The following PPP6R1 variants were observed in gnomAD, a reference collection of about 807,000 sequenced individuals.
The protein encoded by PPP6R1 is serine/threonine-protein phosphatase 6 regulatory subunit 1.
PPP6R1 carries 39 observed loss-of-function variants against 104.6 expected under a neutral mutation model. The observed-to-expected ratio is 0.37, with a 90% CI of 0.29 to 0.49. PPP6R1 has a LOEUF of 0.49. Ranked by LOEUF, PPP6R1 falls within the 20% of genes least tolerant of loss-of-function variation. The pLI, the probability that PPP6R1 is intolerant of heterozygous loss-of-function variation, is 0.98. For synonymous variants in PPP6R1, 549 were observed against 479.0 expected (o/e 1.15, Z -1.91); for missense variants, 1,181 against 1,155.8 (o/e 1.02, Z -0.32).
chr19:55,251,184 C>T (rs930297681), intron 1 of PPP6R1, among the ~76,000 whole-genome samples: 4 of 152,160 alleles, frequency 2.6e-5, no homozygotes, highest in South Asian at 2.1e-4. Context: ...TCTGACCTGC[C>T]GCCTGGAAGC....
At chr19:55,242,349 C>A (rs779983869) in intron 6 of PPP6R1, 27 bp downstream of exon 6, 5 of 1,612,176 alleles carry the variant, frequency 3.1e-6, no homozygotes, top group Admixed American at 1.7e-5. Flanking sequence ...CAGCTCCCCC[C>A]AGCCTTAGCC....
chr19:55,228,251 C>A (rs764853440), downstream of PPP6R1: 1 of 1,612,632 alleles, frequency 6.2e-7, no homozygotes, highest in East Asian at 2.2e-5. Flanking sequence ...CACACAAGGG[C>A]TCCCTGGAGG....
rs777137822 is a variant in PPP6R1 at position 55,245,462 on chromosome 19, A to C, written c.414+30T>G. 14 of 1,610,482 alleles carry C rather than the reference A, an allele frequency of 8.7e-6. No individual in the cohort carries two copies. The highest frequency in any genetic ancestry group is 1.7e-6 in the Non-Finnish European group (2 of 1,178,288). On this transcript the variant is annotated intron_variant, in intron 3 of 23. Transcript: ENST00000412770. The surrounding 1 kb of genome is among the most constrained non-coding windows in gnomAD (Gnocchi z 6.4). ...TGGCCCAGCCACCACCCCTCAACCC[A>C]CGGTGGCGCCAGGGTGGGGGCCAGG... is the stretch of plus-strand genomic sequence containing the variant.
Position 55,241,408 on chromosome 19 carries a change from G to A in PPP6R1, c.1009-17C>T, listed in dbSNP as rs577300692. 17 of 1,602,150 alleles carry A rather than the reference G, an allele frequency of 1.1e-5. No individual in the cohort carries two copies. The African/African-American group carries it at 1.9e-4, about 18-fold the overall frequency. On this transcript the variant is annotated splice_polypyrimidine_tract_variant and intron_variant, in intron 8 of 23. Transcript: ENST00000412770. This position sits in a 1 kb window ranked among gnomAD's most constrained non-coding sequence, Gnocchi z 5.4. ...CGGCTCCAGCTGCAGACACAGGGAGGCCTGATTCCCAAGGGCTGCCCTTCC... is the reference window on the plus strand; with the variant it reads ...CGGCTCCAGCTGCAGACACAGGGAGACCTGATTCCCAAGGGCTGCCCTTCC...
In PPP6R1 at chr19:55,245,934, C is replaced by T. The variant is rs1752368880; in HGVS notation, c.228-256G>A. Among the ~76,000 whole-genome samples the T allele has an allele frequency of 6.6e-6, 1 of 152,178 alleles. No homozygotes were observed. The highest frequency in any genetic ancestry group is 2.1e-4 in the South Asian group (1 of 4,830). ...CCAAGACAAGCTGGTCCTGAAGCTC[C>T]TGCGCTTCCCAATCCCCCAGCAGCT... is the stretch of plus-strand genomic sequence containing the variant. On this transcript the variant is annotated intron_variant, in intron 2 of 23. Transcript: ENST00000412770. The surrounding 1 kb of genome is among the most constrained non-coding windows in gnomAD (Gnocchi z 6.4).
intron 15 of PPP6R1, among the ~76,000 whole-genome samples, 179 bp from the exon 16 acceptor site, chr19:55,237,149 A>C (rs1353008055): frequency 6.6e-6 from 1 of 152,244 alleles, no homozygotes; most frequent in Non-Finnish European, 1.5e-5. Flanking sequence ...ATACATGAAT[A>C]TCAACATCTC....
chr19:55,244,184 C>A (rs1274948388), intron 5 of PPP6R1, among the ~76,000 whole-genome samples: 7 of 152,200 alleles, frequency 4.6e-5, no homozygotes, highest in Non-Finnish European at 8.8e-5. Context: ...CAGGGACAGG[C>A]CCCAGCCTGG....
At chr19:55,237,008 T>TG in intron 15 of PPP6R1, 38 bp from the exon 16 acceptor site, 1 of 1,553,430 alleles carries the variant, frequency 6.4e-7, no homozygotes, top group South Asian at 1.1e-5. Flanking sequence ...AAGGTCCACC[T>TG]GGGGGTGGGG....
In PPP6R1 at chr19:55,231,489, G is replaced by T. The variant is rs1347063798; in HGVS notation, c.2380C>A (p.Pro794Thr). Reference sequence around the variant, plus strand: ...CCGATGCTAACCAAGGCCTGGCAAGGGGCTGTGGGGGATAAGAGATCTCAG... The same window carrying T: ...CCGATGCTAACCAAGGCCTGGCAAGTGGCTGTGGGGGATAAGAGATCTCAG... ...EGSKVTEPSAPCQALVSIGDL... is the reference protein window; with the variant it reads ...EGSKVTEPSATCQALVSIGDL... The change falls in exon 21 of 24, where the codon CCT becomes ACT. Residue 794 changes from proline (P) to threonine (T), a missense_variant and splice_region_variant. Transcript: ENST00000412770. 1 of 1,606,280 alleles carries T rather than the reference G, an allele frequency of 6.2e-7. No individual in the cohort carries two copies. Among genetic ancestry groups the T allele is most frequent in the Admixed American group, 1.7e-5 (1 of 59,012 alleles).
chr19:55,248,433 C>T (rs1044439335), intron 1 of PPP6R1, among the ~76,000 whole-genome samples: 6 of 152,250 alleles, frequency 3.9e-5, no homozygotes, highest in Admixed American at 3.3e-4. Flanking sequence ...TCCTGACAAC[C>T]GCATCACCAG....
downstream of PPP6R1, chr19:55,228,654 T>TC (rs767867895): frequency 2.3e-5 from 37 of 1,595,440 alleles, no homozygotes; most frequent in Non-Finnish European, 2.9e-5. Context: ...CAGGGCCCTG[T>TC]CCCCCCAGCC....
Position 55,241,007 on chromosome 19 carries a change from T to A in PPP6R1, c.1234A>T (p.Ser412Cys). ...CTGCTGTCAGGAGGTGGCCCCAAGC[T>A]CAGCATGGTGCTCACGCATCCCTCT... ...QVEGCVSTML[S>C]LGPPPDSSPE... Residue 412 changes from serine to cysteine, a missense_variant, in exon 10 of 24, where the codon AGC (serine) becomes TGC (cysteine). Ser to Cys is a moderately radical substitution (Grantham distance 112). Transcript: ENST00000412770. This position sits in a 1 kb window ranked among gnomAD's most constrained non-coding sequence, Gnocchi z 5.4. 4 of 1,591,610 alleles carry A rather than the reference T, an allele frequency of 2.5e-6. No individual in the cohort carries two copies. The highest frequency in any genetic ancestry group is 2.6e-6 in the Non-Finnish European group (3 of 1,169,454).
rs1446873184 is a variant in PPP6R1, at chr19:55,236,759, C to G, written c.1872G>C (p.Glu624Asp). 2.5e-6 allele frequency: 4 copies of G among 1,613,900 alleles called. No homozygotes were observed. The African/African-American group carries it at 5.3e-5, about 22-fold the overall frequency. ...GGGCCTCTTCCTCGTCCTCCTCTTC[C>G]TCATCATCATCAAACTGCTGGATGC... ...KDRIQQFDDD[E>D]EEEDEEEAQG... The change falls in exon 17 of 24, where the codon GAG (glutamate) becomes GAC (aspartate). Residue 624 changes from glutamate (E) to aspartate (D), a missense_variant. Glu to Asp is a conservative substitution (Grantham distance 45, BLOSUM62 2). Transcript: ENST00000412770.
chr19:55,243,422 A>AAAAAAG (rs2087477981), intron 5 of PPP6R1, among the ~76,000 whole-genome samples: 1 of 151,396 alleles, frequency 6.6e-6, no homozygotes, highest in African/African-American at 2.4e-5. Context: ...AAAAAAAAAA[A>AAAAAAG]AGAAAGGCCA....
chr19:55,240,018 C>T lies in PPP6R1; in HGVS notation c.1458G>A (p.Gln486=), dbSNP rs372793485. 2.4e-5 allele frequency: 38 copies of T among 1,604,200 alleles called. No homozygotes were observed. Among genetic ancestry groups the T allele is most frequent in the Non-Finnish European group, 3.1e-5 (37 of 1,176,326 alleles). ...QNTEKGPNAE[Q]LRQLLKELPS... ...CCTCACCCTTCAGCAGCTGCCGCAG[C>T]TGCTCTGCATTGGGCCCCTTCTCCG... Residue 486 remains glutamine (Q), a synonymous_variant, in exon 12 of 24, where the codon CAG becomes CAA. Coordinates refer to ENST00000412770, the MANE Select transcript of PPP6R1 (RefSeq NM_014931.4).
Position 55,240,933 on chromosome 19 carries a change from G to C in PPP6R1, c.1296+12C>G, listed in dbSNP as rs1234641010. The C allele has an allele frequency of 9.4e-6, 15 of 1,603,170 alleles. No homozygotes were observed. Among genetic ancestry groups the C allele is most frequent in the African/African-American group, 2.7e-5 (2 of 74,760 alleles). On this transcript the variant is annotated intron_variant, in intron 10 of 23. Transcript: ENST00000412770. ...GGCCCAGAAGGAGGGGGACCAGGGAGTCCCAGCTCACATGTTTCACAACAG... is the reference window on the plus strand; with the variant it reads ...GGCCCAGAAGGAGGGGGACCAGGGACTCCCAGCTCACATGTTTCACAACAG...
rs753721467 is a variant in PPP6R1, at chr19:55,231,648, G to A, written c.2327C>T (p.Pro776Leu). ...LQLRSQDPTP[P>L]SAPQEATEGS... is the part of the protein sequence containing the mutation. ...TTCTGTGGCTTCCTGAGGTGCTGAG[G>A]GGGGTGTGGGGTCCTGAGACCTGGT... Residue 776 changes from proline to leucine, a missense_variant, in exon 20 of 24, where the codon CCC becomes CTC. Transcript: ENST00000412770. The A allele has an allele frequency of 1.9e-6, 3 of 1,610,204 alleles. No individual in the cohort carries two copies. Among genetic ancestry groups the A allele is most frequent in the African/African-American group, 1.3e-5 (1 of 74,872 alleles).
In PPP6R1 at chr19:55,237,897, C is replaced by G. The variant is rs114358810; in HGVS notation, c.1752-927G>C. 3.3e-5 allele frequency among the ~76,000 whole-genome samples: 5 copies of G among 152,284 alleles called. No homozygotes were observed. The East Asian group carries it at 7.7e-4, about 23-fold the overall frequency. On this transcript the variant is annotated intron_variant, in intron 15 of 23. Transcript: ENST00000412770. ...CAAACCAGTCATCCACTTTCCATTC[C>G]GGAAATCTTTCTGGGTTTAGTTTTG...
At chr19:55,257,000 GC>G (rs2087598386) in intron 1 of PPP6R1, among the ~76,000 whole-genome samples, 1 of 151,440 alleles carries the variant, frequency 6.6e-6, no homozygotes, top group East Asian at 1.9e-4. Flanking sequence ...GCCGGACTCG[GC>G]CTAGGTCTGT....
Sources: gnomAD v4.1 joint callset for allele counts (sites outside exome capture counted in the v4.1 genomes callset) on GRCh38, gnomAD v4.1.1 for gene constraint, Gnocchi (gnomAD v3.1) non-coding constraint, MANE v1.5 for transcripts, NCBI Gene and HGNC (gene_info 2026-07-23, HGNC 2026-07-21) for gene names.